The following KCNC4 variants were observed in gnomAD, a reference collection of about 807,000 sequenced individuals.
The protein encoded by KCNC4 is voltage-gated potassium channel KCNC4.
A neutral mutation model predicts 42.8 loss-of-function variants in KCNC4; 23 were observed. The ratio of observed to expected loss-of-function variants is 0.54; its 90% CI spans 0.39 to 0.76. The LOEUF is 0.76. Ranked by LOEUF, KCNC4 falls within the 30% of genes least tolerant of loss-of-function variation. The pLI, the probability that KCNC4 is intolerant of heterozygous loss-of-function variation, is 0.00. For synonymous variants in KCNC4, 422 were observed against 393.5 expected (o/e 1.07, Z -0.86); for missense variants, 751 against 898.2 (o/e 0.84, Z 2.10).
intron 1 of KCNC4, among the ~76,000 whole-genome samples, chr1:110,278,691 C>T (rs957805914): frequency 2.6e-5 from 4 of 152,166 alleles, no homozygotes; most frequent in African/African-American, 9.7e-5. Flanking sequence ...GCTTCTGTGC[C>T]TACGTCCTGA....
chr1:110,211,526 C>T lies in KCNC4; in HGVS notation c.27C>T (p.Ser9=), dbSNP rs757509542. 1.7e-5 allele frequency: 28 copies of T among 1,613,866 alleles called. No individual in the cohort carries two copies. The highest frequency in any genetic ancestry group is 2.4e-5 in the Non-Finnish European group (28 of 1,179,974). Residue 9 remains serine, a synonymous_variant, in exon 1 of 4, where the codon TCC becomes TCT. Transcript: ENST00000438661. The surrounding 1 kb of genome is among the most constrained non-coding windows in gnomAD (Gnocchi z 6.5). ...TGATCAGCTCGGTGTGTGTCTCCTC[C>T]TACCGCGGGCGCAAGTCGGGGAACA... MISSVCVS[S]YRGRKSGNKP... is the part of the protein sequence containing the mutation.
intron 1 of KCNC4, among the ~76,000 whole-genome samples, chr1:110,214,919 C>T (rs1461867498): frequency 1.3e-5 from 2 of 152,142 alleles, no homozygotes; most frequent in Non-Finnish European, 1.5e-5. Context: ...GCTGCACTTT[C>T]CCCCCTCCAT....
chr1:110,212,496 G>GGCTGCCCTATCTTCA lies in KCNC4; in HGVS notation c.678+328_678+342dup, dbSNP rs1657537850. 5.3e-5 allele frequency among the ~76,000 whole-genome samples: 8 copies of GGCTGCCCTATCTTCA among 152,296 alleles called. No homozygotes were observed. The South Asian group carries it at 1.7e-3, about 32-fold the overall frequency. ...TCCACCCCCTTCTTTGGTCTGCACA[G>GGCTGCCCTATCTTCA]GCTGCCCTATCTTCAGCTGCCCTCC... On this transcript the variant is annotated intron_variant, in intron 1 of 3. Transcript: ENST00000438661.
chr1:110,257,615 G>A (rs1264380664), intron 1 of KCNC4, among the ~76,000 whole-genome samples: 2 of 151,470 alleles, frequency 1.3e-5, no homozygotes, highest in Non-Finnish European at 2.9e-5. Context: ...CAGCTACTCG[G>A]GAGGCTGAGG....
intron 1 of KCNC4, among the ~76,000 whole-genome samples, chr1:110,264,808 G>A (rs188184584): frequency 5.9e-4 from 90 of 152,256 alleles, no homozygotes; most frequent in African/African-American, 1.9e-3. Flanking sequence ...CTGGCTGGGC[G>A]CAGTGGCTCA....
exon 4 of KCNC4, chr1:110,247,274 C>T (rs920171762): frequency 1.3e-5 from 2 of 148,552 alleles, no homozygotes; most frequent in African/African-American, 5.0e-5. Flanking sequence ...GTCACCGAGA[C>T]TGGAGTGCAA....
At chr1:110,275,516 C>T (rs1659702008) in intron 1 of KCNC4, among the ~76,000 whole-genome samples, 1 of 152,054 alleles carries the variant, frequency 6.6e-6, no homozygotes, top group Admixed American at 6.5e-5. Context: ...TGGTTATCTA[C>T]CCAAAGGAGA....
intron 3 of KCNC4, among the ~76,000 whole-genome samples, chr1:110,228,112 G>A (rs570340255): frequency 1.9e-4 from 29 of 152,272 alleles, no homozygotes; most frequent in African/African-American, 4.1e-4. Context: ...CTTTCTCCAC[G>A]CCGTACCGTG....
intron 1 of KCNC4, among the ~76,000 whole-genome samples, chr1:110,278,702 A>T (rs555652931): frequency 6.6e-6 from 1 of 152,026 alleles, no homozygotes; most frequent in East Asian, 1.9e-4. Context: ...TACGTCCTGA[A>T]CTCACCTTCC....
intron 1 of KCNC4, among the ~76,000 whole-genome samples, chr1:110,270,281 T>A (rs1027719933): frequency 6.6e-6 from 1 of 152,150 alleles, no homozygotes; most frequent in Non-Finnish European, 1.5e-5. Flanking sequence ...CCTCTGGAAA[T>A]AAGCTGAGTG....
chr1:110,228,799 G>A (rs918257402), intron 3 of KCNC4: 1 of 152,760 alleles, frequency 6.5e-6, no homozygotes, highest in African/African-American at 2.4e-5. Flanking sequence ...AGGGAGCAGG[G>A]GGGAGCAGTC....
chr1:110,251,780 G>A (rs944064594), downstream of KCNC4, among the ~76,000 whole-genome samples: 6 of 152,246 alleles, frequency 3.9e-5, no homozygotes, highest in African/African-American at 1.4e-4. Context: ...GGCAGAAACA[G>A]CGATCCCATT....
chr1:110,273,299 A>G (rs561441630), intron 1 of KCNC4, among the ~76,000 whole-genome samples: 1 of 152,334 alleles, frequency 6.6e-6, no homozygotes, highest in African/African-American at 2.4e-5. Flanking sequence ...AAGCAGATAA[A>G]TACAACACTA....
chr1:110,213,915 A>G (rs1418272149), intron 1 of KCNC4, among the ~76,000 whole-genome samples: 2 of 152,198 alleles, frequency 1.3e-5, no homozygotes, highest in Non-Finnish European at 2.9e-5. Context: ...GGAAGCAGGG[A>G]TGAGATGAGG....
At chr1:110,253,249 G>A (rs145403611), downstream of KCNC4, among the ~76,000 whole-genome samples, 197 of 152,292 alleles carry the variant, frequency 1.3e-3, 1 homozygote, top group African/African-American at 4.6e-3. Flanking sequence ...GCACTTCATT[G>A]TTGTCTGTTT....
rs114937306 is a variant in KCNC4, at chr1:110,227,800, G to A, written c.1819+1622G>A. Among the ~76,000 whole-genome samples, 748 of 152,322 alleles carry A rather than the reference G, an allele frequency of 4.9e-3. 8 individuals are homozygous for A. The highest frequency in any genetic ancestry group is 0.016 in the African/African-American group (685 of 41,568). On this transcript the variant is annotated intron_variant, in intron 3 of 3. Transcript: ENST00000438661. ...AGTGGAAATAGGTGTGGAAGAGGCC[G>A]TGAGGGTACCAGTCAGGAGGGACCA...
chr1:110,277,917 T>C (rs1659752776), intron 1 of KCNC4, among the ~76,000 whole-genome samples: 1 of 152,212 alleles, frequency 6.6e-6, no homozygotes, highest in African/African-American at 2.4e-5. Flanking sequence ...CTTGGGAAAC[T>C]GAGGCAAGAT....
rs2100969952 is a variant in KCNC4 at position 110,210,503 on chromosome 1, A to G, written c.-997A>G. Among the ~76,000 whole-genome samples the G allele has an allele frequency of 6.6e-6, 1 of 151,308 alleles. No homozygotes were observed. Among genetic ancestry groups the G allele is most frequent in the East Asian group, 2.0e-4 (1 of 5,112 alleles). On this transcript the variant is annotated 5_prime_UTR_variant, in exon 1 of 4. Coordinates refer to ENST00000438661, the MANE Select transcript of KCNC4 (RefSeq NM_001039574.3). ...ATGGCGTGGCTCCCAGCGCCGCCAG[A>G]TCGCAGGAACCAGGCGCCGGGGCGT...
In KCNC4 at chr1:110,233,316, A is replaced by C; in HGVS notation, c.*344A>C. The stretch of plus-strand genomic sequence containing the variant: ...CCAGAGTTTCCCGTCCCCTTCACTG[A>C]TTTCTGTTGTTTCTGCTGACTGTGT... On this transcript the variant is annotated 3_prime_UTR_variant, in exon 4 of 4. Transcript: ENST00000438661. 2.7e-6 allele frequency: 1 copy of C among 366,820 alleles called. No homozygotes were observed. The highest frequency in any genetic ancestry group is 4.3e-5 in the Admixed American group (1 of 23,046). The allele number at this position is 366,820 out of a possible 1,614,324, so 22.7% of individuals were successfully genotyped here.
Sources: allele counts gnomAD v4.1 joint callset (sites outside exome capture counted in the v4.1 genomes callset), GRCh38; gene constraint gnomAD v4.1.1; non-coding constraint Gnocchi (gnomAD v3.1); transcripts MANE v1.5; gene names NCBI Gene and HGNC (gene_info 2026-07-23, HGNC 2026-07-21).